VPS45: variants seen among roughly 807,000 people sequenced by gnomAD.
The protein encoded by VPS45 is vacuolar protein sorting-associated protein 45.
VPS45 carries 35 observed loss-of-function variants against 75.9 expected under a neutral mutation model. The observed-to-expected ratio is 0.46, with a 90% CI of 0.35 to 0.61. VPS45 has a LOEUF of 0.61. VPS45 is among the 20% of genes least tolerant of loss of function. The probability of loss-of-function intolerance (pLI) is 0.00; values close to 1 mark genes in which losing one functional copy is unlikely to be tolerated. For synonymous variants in VPS45, 220 were observed against 238.2 expected, an observed-to-expected ratio of 0.92 and a Z score of 0.70; for missense variants, 559 against 685.9, an observed-to-expected ratio of 0.81 and a Z score of 2.07.
chr1:150,082,273 G>A (rs889277119), intron 9 of VPS45, among the ~76,000 whole-genome samples: 2 of 152,302 alleles, frequency 1.3e-5, no homozygotes, highest in East Asian at 1.9e-4. Context: ...TTGGGAGGCC[G>A]AGGCGGGTGG....
chr1:150,092,551 A>G (rs1553802184), intron 12 of VPS45, 142 bp downstream of exon 12: 2 of 635,290 alleles, frequency 3.1e-6, no homozygotes, highest in Admixed American at 3.4e-5. Flanking sequence ...TAAAACTGGC[A>G]TCCTCTTGAA....
chr1:150,070,828 AAATT>A (rs1308690709), intron 2 of VPS45, among the ~76,000 whole-genome samples: 18 of 151,764 alleles, frequency 1.2e-4, no homozygotes, highest in African/African-American at 3.6e-4. Flanking sequence ...AATAAAATAA[AAATT>A]AAAAATAATT....
At chr1:150,139,377 T>A (rs1437327461) in intron 14 of VPS45, among the ~76,000 whole-genome samples, 1 of 152,188 alleles carries the variant, frequency 6.6e-6, no homozygotes, top group East Asian at 1.9e-4. Context: ...TTGATCCCTT[T>A]GCACTTGCTC....
chr1:150,074,700 C>G (rs1553797690), intron 3 of VPS45, among the ~76,000 whole-genome samples: 2 of 152,014 alleles, frequency 1.3e-5, no homozygotes, highest in Non-Finnish European at 1.5e-5. Flanking sequence ...TAAAGACATA[C>G]AAAAGTAGAA....
At chr1:150,110,391 T>G in intron 13 of VPS45, 105 bp from the exon 14 acceptor site, 1 of 1,038,046 alleles carries the variant, frequency 9.6e-7, no homozygotes, top group Non-Finnish European at 1.3e-6. Flanking sequence ...TAATTCTGCT[T>G]CCTCCACCAA....
At chr1:150,117,624 C>T (rs968688876) in intron 14 of VPS45, among the ~76,000 whole-genome samples, 14 of 151,998 alleles carry the variant, frequency 9.2e-5, no homozygotes, top group African/African-American at 1.2e-4. Context: ...TTTGGGAGAC[C>T]GAAGTGGGCA....
At position 150,144,805 on chromosome 1, in the gene VPS45, T is replaced by C. The variant is rs1659584694; in HGVS notation, c.*9T>C. ...CAGCGAGCAGAAGATGAAACGGTGG[T>C]TGGGGGAAGGGCACAGCTTCCTCTC... On this transcript the variant is annotated 3_prime_UTR_variant, in exon 15 of 15. Coordinates refer to ENST00000644510, the MANE Select transcript of VPS45 (RefSeq NM_007259.5). 6.2e-7 allele frequency: 1 copy of C among 1,613,968 alleles called. No individual in the cohort carries two copies. Among genetic ancestry groups the C allele is most frequent in the South Asian group, 1.1e-5 (1 of 91,048 alleles).
intron 10 of VPS45, among the ~76,000 whole-genome samples, chr1:150,087,829 C>G (rs1390148440): frequency 6.6e-6 from 1 of 152,122 alleles, no homozygotes. Context: ...TAATTACTCG[C>G]AGTAAGCCTG....
chr1:150,068,243 G>T (rs1384752915), intron 1 of VPS45: 19 of 448,834 alleles, frequency 4.2e-5, no homozygotes, highest in Admixed American at 1.2e-4. Context: ...GAAGGCTTTG[G>T]GATGGGCCTA....
rs373735080 is a variant in VPS45, at chr1:150,092,022, G to A, written c.1190G>A (p.Arg397Gln). 4.9e-5 allele frequency: 79 copies of A among 1,613,946 alleles called. No homozygotes were observed. Among genetic ancestry groups the A allele is most frequent in the Middle Eastern group, 3.3e-4 (2 of 6,084 alleles). Reference protein sequence around the residue: ...LVMLYALHYERHSSNSLPGLM... With the variant: ...LVMLYALHYEQHSSNSLPGLM... ...ATGCTTTATGCTTTACATTATGAGC[G>A]ACACAGCAGCAATAGCCTGCCAGGA... is the stretch of plus-strand genomic sequence containing the variant. The change falls in exon 11 of 15, where the codon CGA becomes CAA. Residue 397 changes from arginine to glutamine, a missense_variant. Physicochemically the swap from Arg to Gln is conservative, Grantham distance 43. Coordinates refer to ENST00000644510, the MANE Select transcript of VPS45 (RefSeq NM_007259.5).
At chr1:150,083,131 A>G (rs1301116872) in intron 10 of VPS45, 1 of 329,018 alleles carries the variant, frequency 3.0e-6, no homozygotes, top group African/African-American at 2.1e-5. Context: ...AAGAGCACCA[A>G]ACTAGAATCA....
chr1:150,134,680 T>C (rs1553813163), intron 14 of VPS45, among the ~76,000 whole-genome samples: 1 of 152,240 alleles, frequency 6.6e-6, no homozygotes, highest in Non-Finnish European at 1.5e-5. Flanking sequence ...ACTTTTTTCA[T>C]TAAACTTTGC....
chr1:150,129,108 GT>G (rs1658677448), intron 14 of VPS45, among the ~76,000 whole-genome samples: 1 of 152,220 alleles, frequency 6.6e-6, no homozygotes, highest in Non-Finnish European at 1.5e-5. Flanking sequence ...TGTGTCGCCT[GT>G]CACTGACAAG....
intron 14 of VPS45, among the ~76,000 whole-genome samples, chr1:150,135,196 T>C (rs1427590931): frequency 2.0e-5 from 3 of 152,170 alleles, no homozygotes; most frequent in Non-Finnish European, 2.9e-5. Context: ...AATATGTTTG[T>C]GTCAAAATTT....
At chr1:150,119,145 G>T (rs1002210388) in intron 14 of VPS45, among the ~76,000 whole-genome samples, 16 of 152,166 alleles carry the variant, frequency 1.1e-4, no homozygotes, top group African/African-American at 3.9e-4. Flanking sequence ...GAAAGCAATA[G>T]TTTCACCTTT....
intron 14 of VPS45, among the ~76,000 whole-genome samples, chr1:150,113,499 C>T (rs115495049): frequency 0.015 from 2,217 of 152,286 alleles, 65 homozygotes; most frequent in African/African-American, 0.051. Context: ...TTTCTTATTC[C>T]TCATGCTCCC....
intron 13 of VPS45, chr1:150,110,281 C>T (rs1260121627): frequency 4.4e-6 from 2 of 453,950 alleles, no homozygotes; most frequent in African/African-American, 4.0e-5. Flanking sequence ...GACATCCGCT[C>T]ATAAACAGAA....
rs114618798 is a variant in VPS45 at position 150,102,962 on chromosome 1, G to A, written c.1494-7534G>A. Among the ~76,000 whole-genome samples, 1,117 of 152,162 alleles carry A rather than the reference G, an allele frequency of 7.3e-3. 18 individuals are homozygous for A. Among genetic ancestry groups the A allele is most frequent in the African/African-American group, 0.025 (1,053 of 41,510 alleles). ...GATGTAATAATATGTATGACAAACC[G>A]CCGTGACACATGCTTATGTAACAAA... is the stretch of plus-strand genomic sequence containing the variant. On this transcript the variant is annotated intron_variant, in intron 13 of 14. Coordinates refer to ENST00000644510, the MANE Select transcript of VPS45 (RefSeq NM_007259.5).
chr1:150,075,840 C>T (rs587654737), intron 3 of VPS45, among the ~76,000 whole-genome samples: 3 of 152,218 alleles, frequency 2.0e-5, no homozygotes, highest in Admixed American at 6.5e-5. Context: ...AGCTCTGCCT[C>T]CTGGGTTCAT....
Sources: gnomAD v4.1 joint callset for allele counts (sites outside exome capture counted in the v4.1 genomes callset) on GRCh38, gnomAD v4.1.1 for gene constraint, MANE v1.5 for transcripts, NCBI Gene and HGNC (gene_info 2026-07-23, HGNC 2026-07-21) for gene names.